The following ZNF469 variants were observed in gnomAD, a reference collection of about 807,000 sequenced individuals.
ZNF469 encodes the protein zinc finger protein 469.
ZNF469 carries 1 observed loss-of-function variant against 1.0 expected under a neutral mutation model. The ratio of observed to expected loss-of-function variants is 1.00; its 90% CI spans 0.35 to 4.73. The LOEUF is 4.73. Ranked by LOEUF, ZNF469 falls within the 30% of genes most tolerant of loss-of-function variation. ZNF469 has a pLI of 0.16. For synonymous variants in ZNF469, 2,703 were observed against 2,363.4 expected, an observed-to-expected ratio of 1.14 and a Z score of -4.17; for missense variants, 6,100 against 5,356.3, an observed-to-expected ratio of 1.14 and a Z score of -4.33.
At chr16:88,376,723 T>C in the ZNF469 span, among the ~76,000 whole-genome samples, 1 of 152,328 alleles carries the variant, frequency 6.6e-6, no homozygotes, top group East Asian at 1.9e-4. Context: ...CCGCGGCAGA[T>C]GGGGAAACTG....
At chr16:88,116,630 A>G in the ZNF469 span, among the ~76,000 whole-genome samples, 2 of 152,234 alleles carry the variant, frequency 1.3e-5, no homozygotes, top group Non-Finnish European at 2.9e-5. Flanking sequence ...CACACCACGG[A>G]ACGCTACTCA....
intron 1 of ZNF469, among the ~76,000 whole-genome samples, chr16:88,386,042 G>A (rs2092536079): frequency 1.3e-5 from 2 of 152,208 alleles, no homozygotes; most frequent in African/African-American, 4.8e-5. Context: ...GCCATAGGGA[G>A]CAGGGATGCC....
chr16:88,438,997 A>G lies in ZNF469; in HGVS notation c.11527A>G (p.Lys3843Glu), dbSNP rs1906809459. The G allele has an allele frequency of 6.5e-6, 10 of 1,550,136 alleles. No homozygotes were observed. Among genetic ancestry groups the G allele is most frequent in the Non-Finnish European group, 8.7e-6 (10 of 1,146,900 alleles). The stretch of plus-strand genomic sequence containing the variant: ...CGGGAGAGCCCCCTCAGCCCCTGAC[A>G]AGCCCCCCCGGACCCCTCGGAAGCA... ...SFGRAPSAPDKPPRTPRKQAT... is the reference protein window; with the variant it reads ...SFGRAPSAPDEPPRTPRKQAT... Residue 3843 changes from lysine (K) to glutamate (E), a missense_variant, in exon 3 of 3, where the codon AAG (lysine) becomes GAG (glutamate). Coordinates refer to ENST00000565624, the MANE Select transcript of ZNF469 (RefSeq NM_001367624.2).
chr16:88,208,267 C>T, the ZNF469 span, among the ~76,000 whole-genome samples: 16 of 151,892 alleles, frequency 1.1e-4, no homozygotes, highest in Non-Finnish European at 1.5e-4. Flanking sequence ...ATCTCAAGCT[C>T]ATCTGCGCTT....
chr16:88,410,236 A>G (rs528912056), intron 1 of ZNF469, among the ~76,000 whole-genome samples: 36 of 148,430 alleles, frequency 2.4e-4, no homozygotes, highest in South Asian at 8.4e-4. Flanking sequence ...GGTGACGTCT[A>G]TGATGCCGTT....
the ZNF469 span, among the ~76,000 whole-genome samples, chr16:88,204,985 A>C: frequency 6.6e-6 from 1 of 152,196 alleles, no homozygotes; most frequent in African/African-American, 2.4e-5. Flanking sequence ...TGCAGGATTT[A>C]TAATGTAAAA....
the ZNF469 span, among the ~76,000 whole-genome samples, chr16:88,119,972 G>A: frequency 5.9e-5 from 9 of 152,300 alleles, no homozygotes; most frequent in African/African-American, 9.6e-5. Flanking sequence ...TCTCTCTGCC[G>A]CCGCCGTGCG....
chr16:88,438,498 C>T lies in ZNF469; in HGVS notation c.11028C>T (p.Cys3676=). The change falls in exon 3 of 3, where the codon TGC becomes TGT. Residue 3676 remains cysteine (C), a synonymous_variant. Transcript: ENST00000565624. ...GCAGCGCCACCAAGCCTGCGGGCTG[C>T]CAGAGCTCATCAAAGGACAGGTCGG... ...HKGSATKPAG[C]QSSSKDRSAA... The T allele has an allele frequency of 6.5e-7, 1 of 1,550,126 alleles. No individual in the cohort carries two copies. The highest frequency in any genetic ancestry group is 8.7e-7 in the Non-Finnish European group (1 of 1,146,942).
At chr16:88,357,686 GT>G in the ZNF469 span, among the ~76,000 whole-genome samples, 1 of 152,242 alleles carries the variant, frequency 6.6e-6, no homozygotes, top group Non-Finnish European at 1.5e-5. Context: ...CGCCAAGTCT[GT>G]TTTGAGGCAG....
the ZNF469 span, among the ~76,000 whole-genome samples, chr16:88,262,578 C>T: frequency 6.6e-5 from 10 of 152,168 alleles, no homozygotes; most frequent in African/African-American, 1.7e-4. The surrounding 1 kb of genome is among the most constrained non-coding windows in gnomAD (Gnocchi z 4.3). Flanking sequence ...AACTTGGCCA[C>T]GGGCAGGAGC....
the ZNF469 span, chr16:88,294,625 G>A: frequency 6.6e-6 from 1 of 152,218 alleles, no homozygotes; most frequent in African/African-American, 2.4e-5. Context: ...TTAACCCTGA[G>A]TATCCTTGAG....
chr16:88,352,327 C>A, the ZNF469 span, among the ~76,000 whole-genome samples: 1 of 152,206 alleles, frequency 6.6e-6, no homozygotes, highest in South Asian at 2.1e-4. Context: ...TTCATGCCAA[C>A]CCAGAGGAAT....
the ZNF469 span, among the ~76,000 whole-genome samples, chr16:88,109,133 G>A: frequency 1.6e-4 from 25 of 152,298 alleles, no homozygotes; most frequent in South Asian, 8.3e-4. Context: ...AATGGCTGCC[G>A]TGTCACCCCA....
chr16:88,164,233 A>C, the ZNF469 span, among the ~76,000 whole-genome samples: 2 of 145,172 alleles, frequency 1.4e-5, no homozygotes, highest in African/African-American at 5.6e-5. Flanking sequence ...TGGGTGGGAT[A>C]AGTGGATGAA....
chr16:88,305,218 TCACACACATG>T, the ZNF469 span, among the ~76,000 whole-genome samples: 1 of 151,696 alleles, frequency 6.6e-6, no homozygotes, highest in Non-Finnish European at 1.5e-5. Context: ...GTGCACACCC[TCACACACATG>T]CACACACACG....
At chr16:88,143,542 C>A in the ZNF469 span, among the ~76,000 whole-genome samples, 28 of 152,276 alleles carry the variant, frequency 1.8e-4, no homozygotes, top group East Asian at 1.9e-3. Context: ...CTGCTCCCCC[C>A]ATGCGTGGCC....
At chr16:88,376,497 C>T in the ZNF469 span, among the ~76,000 whole-genome samples, 1 of 152,144 alleles carries the variant, frequency 6.6e-6, no homozygotes, top group South Asian at 2.1e-4. Context: ...GGTGCCTCCT[C>T]CGGGGCCCTC....
At chr16:88,128,345 G>GT in the ZNF469 span, among the ~76,000 whole-genome samples, 1 of 152,132 alleles carries the variant, frequency 6.6e-6, no homozygotes, top group Non-Finnish European at 1.5e-5. Context: ...GTCTCTTGAG[G>GT]TTTTACATTG....
At chr16:88,116,698 C>A in the ZNF469 span, among the ~76,000 whole-genome samples, 7 of 152,184 alleles carry the variant, frequency 4.6e-5, no homozygotes, top group Non-Finnish European at 1.0e-4. Context: ...CCAGAGAATT[C>A]TGCCGAGTGG....
Sources: allele counts gnomAD v4.1 joint callset (sites outside exome capture counted in the v4.1 genomes callset), GRCh38; gene constraint gnomAD v4.1.1; non-coding constraint Gnocchi (gnomAD v3.1); transcripts MANE v1.5; gene names NCBI Gene and HGNC (gene_info 2026-07-23, HGNC 2026-07-21).